Variants in CCSER1 observed in about 807,000 individuals in gnomAD.
CCSER1 encodes coiled-coil serine rich protein 1.
In CCSER1, 41 loss-of-function variants were observed where a neutral mutation model predicts 82.0. That is an observed-to-expected ratio of 0.50 (90% confidence interval 0.39 to 0.65). The LOEUF is 0.65. CCSER1 is among the 30% of genes least tolerant of loss of function. CCSER1 has a pLI of 0.00. For synonymous variants in CCSER1, 414 were observed against 383.9 expected (o/e 1.08, Z -0.92); for missense variants, 1,119 against 1,064.2 (o/e 1.05, Z -0.72).
chr4:91,109,017 G>A (rs971416775), intron 10 of CCSER1, among the ~76,000 whole-genome samples: 4 of 152,150 alleles, frequency 2.6e-5, no homozygotes, highest in Non-Finnish European at 4.4e-5. Flanking sequence ...CTGTTCCGGA[G>A]CTGGGGCACC....
intron 9 of CCSER1, among the ~76,000 whole-genome samples, chr4:90,989,969 A>G (rs575782806): frequency 1.1e-4 from 17 of 151,924 alleles, no homozygotes; most frequent in Non-Finnish European, 2.1e-4. Flanking sequence ...CTGGGCTCTT[A>G]GTGACCTAGG....
At chr4:91,519,623 A>C (rs1157135426) in intron 10 of CCSER1, among the ~76,000 whole-genome samples, 1 of 152,220 alleles carries the variant, frequency 6.6e-6, no homozygotes, top group Admixed American at 6.5e-5. Flanking sequence ...GAGTGGACTC[A>C]CAAGGGGATC....
chr4:91,227,390 C>T (rs186906838), intron 10 of CCSER1, among the ~76,000 whole-genome samples: 141 of 151,780 alleles, frequency 9.3e-4, no homozygotes, highest in Non-Finnish European at 1.6e-3. Flanking sequence ...TACACATTGA[C>T]TCATAGAAAC....
chr4:91,280,821 G>A (rs1424620685), intron 10 of CCSER1, among the ~76,000 whole-genome samples: 3 of 152,198 alleles, frequency 2.0e-5, no homozygotes, highest in Non-Finnish European at 1.5e-5. Flanking sequence ...CTGGCTGTGG[G>A]AAGGGAATGT....
At chr4:90,605,491 AAAAT>A (rs1784581860) in intron 5 of CCSER1, among the ~76,000 whole-genome samples, 2 of 152,244 alleles carry the variant, frequency 1.3e-5, no homozygotes, top group African/African-American at 2.4e-5. Context: ...TTGAGAAACA[AAAAT>A]ATAGACTAGA....
chr4:91,477,478 A>G (rs1374564372), intron 10 of CCSER1, among the ~76,000 whole-genome samples: 1 of 151,674 alleles, frequency 6.6e-6, no homozygotes, highest in Non-Finnish European at 1.5e-5. Flanking sequence ...TTATAGCTCC[A>G]ATTTTTTTTA....
intron 7 of CCSER1, among the ~76,000 whole-genome samples, chr4:90,788,506 T>C (rs900214964): frequency 6.6e-6 from 1 of 152,144 alleles, no homozygotes. Flanking sequence ...GGTAGTTTCT[T>C]GGTTTGTGAT....
At chr4:90,873,976 G>A (rs958887638) in intron 8 of CCSER1, among the ~76,000 whole-genome samples, 3 of 152,146 alleles carry the variant, frequency 2.0e-5, no homozygotes, top group African/African-American at 7.2e-5. Flanking sequence ...ATATGGTACG[G>A]TACTAAATGT....
intron 5 of CCSER1, among the ~76,000 whole-genome samples, chr4:90,599,088 C>A (rs553976539): frequency 1.3e-5 from 2 of 152,128 alleles, no homozygotes; most frequent in East Asian, 3.9e-4. Context: ...CATGTGAATC[C>A]CAGGCAATTC....
At chr4:90,621,373 A>G (rs1048008756) in intron 5 of CCSER1, among the ~76,000 whole-genome samples, 2 of 152,144 alleles carry the variant, frequency 1.3e-5, no homozygotes, top group African/African-American at 4.8e-5. Flanking sequence ...GGAAGGAGGT[A>G]TAAAATGAAT....
At chr4:90,744,842 G>A (rs1283991112) in intron 7 of CCSER1, among the ~76,000 whole-genome samples, 1 of 152,080 alleles carries the variant, frequency 6.6e-6, no homozygotes, top group Non-Finnish European at 1.5e-5. Flanking sequence ...CCTGAAACAA[G>A]TCCCCTATCC....
chr4:90,486,291 A>G (rs1435949840), intron 5 of CCSER1, among the ~76,000 whole-genome samples: 1 of 152,110 alleles, frequency 6.6e-6, no homozygotes, highest in Non-Finnish European at 1.5e-5. Flanking sequence ...CCTCTTATGT[A>G]TAGGTTCCAT....
chr4:90,353,627 A>G (rs1743891016), intron 3 of CCSER1, among the ~76,000 whole-genome samples: 1 of 152,204 alleles, frequency 6.6e-6, no homozygotes, highest in Admixed American at 6.5e-5. Flanking sequence ...GTTGTGATCC[A>G]GGCCTTAATT....
chr4:90,569,017 G>T (rs191568388), intron 5 of CCSER1, among the ~76,000 whole-genome samples: 1 of 143,956 alleles, frequency 6.9e-6, no homozygotes, highest in African/African-American at 2.9e-5. Context: ...ATCCCAAAGT[G>T]CTGGGATTAC....
At chr4:90,836,819 A>T (rs1761863891) in intron 8 of CCSER1, among the ~76,000 whole-genome samples, 1 of 152,192 alleles carries the variant, frequency 6.6e-6, no homozygotes, top group South Asian at 2.1e-4. Flanking sequence ...GAATGATCTA[A>T]ATCAGATGTT....
In CCSER1 at chr4:90,604,678, T is replaced by TA. The variant is rs1386904359; in HGVS notation, c.1725-23347_1725-23346insA. Among the ~76,000 whole-genome samples the TA allele has an allele frequency of 3.3e-5, 5 of 152,142 alleles. No individual in the cohort carries two copies. In the East Asian group the frequency reaches 9.6e-4, roughly 29 times the overall value. On this transcript the variant is annotated intron_variant, in intron 5 of 10. Coordinates refer to ENST00000509176, the MANE Select transcript of CCSER1 (RefSeq NM_001145065.2). ...GAACTTTTATGTCTAGCTAAAGGTT[T>TA]GTAAATGCACCAATCAGCACTTCGT... is the stretch of plus-strand genomic sequence containing the variant.
intron 4 of CCSER1, among the ~76,000 whole-genome samples, chr4:90,417,486 TCTTA>T (rs146886385): frequency 0.018 from 2,737 of 152,210 alleles, 48 homozygotes; most frequent in African/African-American, 0.036. Flanking sequence ...TAAAAATATA[TCTTA>T]CTTATTTAAT....
At position 91,275,698 on chromosome 4, in the gene CCSER1, T is replaced by G. The variant is rs575371200; in HGVS notation, c.2217+189704T>G. 2.6e-5 allele frequency among the ~76,000 whole-genome samples: 4 copies of G among 152,250 alleles called. No homozygotes were observed. In the East Asian group the frequency reaches 7.7e-4, roughly 29 times the overall value. ...GTGTAATAGAATCTCATTTGCCTAC[T>G]TGTGTTTTTGAGGTCTTAGCCATAA... On this transcript the variant is annotated intron_variant, in intron 10 of 10. Coordinates refer to ENST00000509176, the MANE Select transcript of CCSER1 (RefSeq NM_001145065.2).
At chr4:91,468,395 C>T (rs1351169318) in intron 10 of CCSER1, among the ~76,000 whole-genome samples, 1 of 151,792 alleles carries the variant, frequency 6.6e-6, no homozygotes, top group Non-Finnish European at 1.5e-5. Context: ...GGAGATATAC[C>T]TAATATAAAT....
Sources: gnomAD v4.1 joint callset for allele counts (sites outside exome capture counted in the v4.1 genomes callset) on GRCh38, gnomAD v4.1.1 for gene constraint, MANE v1.5 for transcripts, NCBI Gene and HGNC (gene_info 2026-07-23, HGNC 2026-07-21) for gene names.